Variants in EPB42 observed in about 807,000 individuals in gnomAD.
EPB42 encodes erythrocyte membrane protein band 4.2, also known as protein 4.2.
EPB42 carries 49 observed loss-of-function variants against 76.9 expected under a neutral mutation model. The observed-to-expected ratio is 0.64, with a 90% confidence interval of 0.51 to 0.81. The LOEUF (loss-of-function observed/expected upper bound fraction) is 0.81, where lower values mean the gene tolerates loss of function less well. EPB42 is among the 30% of genes least tolerant of loss of function. EPB42 has a pLI of 0.00. For missense variants in EPB42, 731 were observed against 867.6 expected (o/e 0.84, Z 1.98); for synonymous variants, 310 against 338.4 (o/e 0.92, Z 0.92).
chr15:43,200,959 C>T (rs781750617), intron 12 of EPB42, among the ~76,000 whole-genome samples: 7 of 152,124 alleles, frequency 4.6e-5, no homozygotes, highest in African/African-American at 1.4e-4. Flanking sequence ...AGACTACAGG[C>T]GTCTGCCACT....
At chr15:43,215,516 C>A (rs2042365009) in intron 2 of EPB42, among the ~76,000 whole-genome samples, 188 bp from the exon 3 acceptor site, 1 of 152,140 alleles carries the variant, frequency 6.6e-6, no homozygotes, top group Non-Finnish European at 1.5e-5. Context: ...CACCCATGGA[C>A]CTTCATCACA....
chr15:43,205,021 G>A (rs1050029416), intron 10 of EPB42, among the ~76,000 whole-genome samples: 2 of 126,762 alleles, frequency 1.6e-5, no homozygotes, highest in East Asian at 4.7e-4. Flanking sequence ...AGGTTAAGAA[G>A]CACTCTTCTT....
In EPB42 at chr15:43,206,848, T is replaced by A. The variant is rs887162927; in HGVS notation, c.1319-219A>T. ...CTTCCAAACCACTCAAGGACCAAGT[T>A]CTTTTTCAAGTGCTATGAATTCTCC... On this transcript the variant is annotated intron_variant, in intron 9 of 12. Transcript: ENST00000441366. The surrounding 1 kb of genome is among the most constrained non-coding windows in gnomAD (Gnocchi z 4.7). Among the ~76,000 whole-genome samples, 6 of 152,016 alleles carry A rather than the reference T, an allele frequency of 3.9e-5. No homozygotes were observed. The highest frequency in any genetic ancestry group is 8.8e-5 in the Non-Finnish European group (6 of 67,998).
upstream of EPB42, among the ~76,000 whole-genome samples, chr15:43,221,821 T>TAAAAAAAAAAAAAAAAA (rs56939497): frequency 1.9e-5 from 2 of 107,470 alleles, no homozygotes; most frequent in African/African-American, 3.5e-5. Flanking sequence ...TCTTATTATG[T>TAAAAAAAAAAAAAAAAA]AAAAAAAAAA....
rs1404665533 is a variant in EPB42 at position 43,206,714 on chromosome 15, C to T, written c.1319-85G>A. The T allele has an allele frequency of 1.1e-5, 16 of 1,507,388 alleles. No individual in the cohort carries two copies. The East Asian group carries it at 3.2e-4, about 30-fold the overall frequency. The allele number at this position is 1,507,388 out of a possible 1,614,324, so 93.4% of individuals were successfully genotyped here. A position where few individuals can be genotyped will look rare whatever the true frequency, so the allele number is the denominator to read the frequency against. On this transcript the variant is annotated intron_variant, in intron 9 of 12. Transcript: ENST00000441366. This position sits in a 1 kb window ranked among gnomAD's most constrained non-coding sequence, Gnocchi z 4.7. Reference sequence around the variant, plus strand: ...AAACCCTGGGAATCAAAACCATTTACCCACTTCTGCTCAAATGCCAAAGTC... The same window carrying T: ...AAACCCTGGGAATCAAAACCATTTATCCACTTCTGCTCAAATGCCAAAGTC...
In EPB42 at chr15:43,220,892, G is replaced by T; in HGVS notation, c.-67C>A. On this transcript the variant is annotated 5_prime_UTR_variant, in exon 1 of 13. Transcript: ENST00000441366. Reference sequence around the variant, plus strand: ...GCCTCTCTCAAACTGTTGCTTCTGGGCTCCTTCTGGGCTTTCTGTCTTCCA... The same window carrying T: ...GCCTCTCTCAAACTGTTGCTTCTGGTCTCCTTCTGGGCTTTCTGTCTTCCA... 1 of 1,434,908 alleles carries T rather than the reference G, an allele frequency of 7.0e-7. No homozygotes were observed. Among genetic ancestry groups the T allele is most frequent in the Non-Finnish European group, 9.7e-7 (1 of 1,027,578 alleles). The allele number at this position is 1,434,908 out of a possible 1,614,324, so 88.9% of individuals were successfully genotyped here. A position where few individuals can be genotyped will look rare whatever the true frequency, so the allele number is the denominator to read the frequency against.
chr15:43,202,999 C>G, intron 11 of EPB42, 116 bp downstream of exon 11: 5 of 1,300,406 alleles, frequency 3.8e-6, no homozygotes, highest in Non-Finnish European at 5.6e-6. Context: ...TTAAATGTAG[C>G]ATTTTCTGGT....
intron 1 of EPB42, 164 bp downstream of exon 1, chr15:43,220,649 ACCC>A: frequency 2.6e-6 from 1 of 388,264 alleles, no homozygotes. Flanking sequence ...CACCTACCAC[ACCC>A]CCCCCCCACA....
intron 7 of EPB42, 109 bp downstream of exon 7, chr15:43,208,528 C>T: frequency 6.4e-7 from 1 of 1,562,966 alleles, no homozygotes; most frequent in Non-Finnish European, 8.8e-7. Flanking sequence ...GTCTTGAAAG[C>T]CTACTCTCCA....
At position 43,220,719 on chromosome 15, in the gene EPB42, C is replaced by T. The variant is rs372291145; in HGVS notation, c.10+97G>A. On this transcript the variant is annotated intron_variant, in intron 1 of 12. Coordinates refer to ENST00000441366, the MANE Select transcript of EPB42 (RefSeq NM_001114134.2). ...CACCATAGTTATACCACCATCTCCC[C>T]GCCTACCATCCATCCCACTTCCTTT... 153 of 1,610,672 alleles carry T rather than the reference C, an allele frequency of 9.5e-5. No individual in the cohort carries two copies. Among genetic ancestry groups the T allele is most frequent in the Admixed American group, 5.8e-4 (35 of 59,892 alleles).
intron 12 of EPB42, 45 bp downstream of exon 12, chr15:43,201,799 C>T (rs2042129792): frequency 1.2e-6 from 2 of 1,613,964 alleles, no homozygotes; most frequent in Non-Finnish European, 1.7e-6. Context: ...GCCTTTCTGA[C>T]CCATTGAGAC....
Position 43,201,868 on chromosome 15 carries a change from A to T in EPB42, c.1889T>A (p.Leu630His), listed in dbSNP as rs944890173. 6.2e-7 allele frequency: 1 copy of T among 1,614,076 alleles called. No homozygotes were observed. Among genetic ancestry groups the T allele is most frequent in the African/African-American group, 1.3e-5 (1 of 74,916 alleles). ...CCTGTAGCTCCTCTCTCTGTGAATG[A>T]GCCCCCTTCCCAGGATGGAGATCAC... ...DCVISILGRG[L>H]IHRERSYRFR... Residue 630 changes from leucine to histidine, a missense_variant, in exon 12 of 13, where the codon CTC becomes CAC. Physicochemically the swap from Leu to His is moderately conservative, Grantham distance 99. Transcript: ENST00000441366.
chr15:43,197,698 G>A (rs954420032), intron 12 of EPB42, among the ~76,000 whole-genome samples: 12 of 152,196 alleles, frequency 7.9e-5, no homozygotes, highest in African/African-American at 2.9e-4. Context: ...AGCTACATCT[G>A]TTGTTCCTTT....
chr15:43,218,887 C>T (rs1042302005), intron 1 of EPB42, among the ~76,000 whole-genome samples: 8 of 152,210 alleles, frequency 5.3e-5, no homozygotes, highest in Non-Finnish European at 1.0e-4. Context: ...TTCGTGTTTT[C>T]TCACCATCTC....
At chr15:43,220,548 C>T (rs2042441725) in intron 1 of EPB42, among the ~76,000 whole-genome samples, 1 of 151,984 alleles carries the variant, frequency 6.6e-6, no homozygotes, top group Admixed American at 6.6e-5. Flanking sequence ...CACCCCACAG[C>T]AACATCACCA....
chr15:43,204,971 C>CA (rs962877925), intron 10 of EPB42, among the ~76,000 whole-genome samples: 41 of 144,712 alleles, frequency 2.8e-4, no homozygotes, highest in South Asian at 2.3e-4. Context: ...TCCGCCCCCC[C>CA]CCCAAAAAAA....
At chr15:43,212,383 A>AG (rs1199916009) in intron 3 of EPB42, among the ~76,000 whole-genome samples, 1 of 148,754 alleles carries the variant, frequency 6.7e-6, no homozygotes, top group Non-Finnish European at 1.5e-5. Flanking sequence ...AAAAAAAAAA[A>AG]AAAGAAAAAA....
upstream of EPB42, among the ~76,000 whole-genome samples, chr15:43,221,770 T>C (rs1220549086): frequency 6.6e-6 from 1 of 151,062 alleles, no homozygotes; most frequent in Non-Finnish European, 1.5e-5. Flanking sequence ...TTTACTCTTT[T>C]ATACTTTTAA....
At chr15:43,199,936 CCA>C (rs1302266721) in intron 12 of EPB42, among the ~76,000 whole-genome samples, 2 of 152,194 alleles carry the variant, frequency 1.3e-5, no homozygotes, top group African/African-American at 4.8e-5. Context: ...TGAGGCCTCC[CCA>C]GTCATGTGGA....
Sources: allele counts gnomAD v4.1 joint callset (sites outside exome capture counted in the v4.1 genomes callset), GRCh38; gene constraint gnomAD v4.1.1; non-coding constraint Gnocchi (gnomAD v3.1); transcripts MANE v1.5; gene names NCBI Gene and HGNC (gene_info 2026-07-23, HGNC 2026-07-21).